Variants in CDH9 observed in about 807,000 individuals in gnomAD.
The protein encoded by CDH9 is cadherin 9.
A neutral mutation model predicts 70.9 loss-of-function variants in CDH9; 28 were observed. That is an observed-to-expected ratio of 0.40 (90% confidence interval 0.29 to 0.54). The LOEUF is 0.54. CDH9 is among the 20% of genes least tolerant of loss of function. The pLI is 0.59. For synonymous variants in CDH9, 409 were observed against 343.1 expected (o/e 1.19, Z -2.12); for missense variants, 874 against 984.4 (o/e 0.89, Z 1.50).
At chr5:26,965,998 A>C (rs1348298682) in intron 2 of CDH9, among the ~76,000 whole-genome samples, 1 of 152,182 alleles carries the variant, frequency 6.6e-6, no homozygotes, top group Non-Finnish European at 1.5e-5. Flanking sequence ...CACAATGGAA[A>C]TTTGAGGCTA....
At chr5:26,957,982 A>T (rs959060905) in intron 2 of CDH9, among the ~76,000 whole-genome samples, 3 of 152,196 alleles carry the variant, frequency 2.0e-5, no homozygotes, top group Non-Finnish European at 4.4e-5. Flanking sequence ...AATATAAAAA[A>T]ATTACAGTAA....
At chr5:26,958,581 C>T (rs147334709) in intron 2 of CDH9, among the ~76,000 whole-genome samples, 487 of 152,064 alleles carry the variant, frequency 3.2e-3, no homozygotes, top group Non-Finnish European at 5.4e-3. Flanking sequence ...ATATATTTGA[C>T]GAAAACTGGC....
chr5:26,993,021 G>A (rs141768588), intron 1 of CDH9, among the ~76,000 whole-genome samples: 4,870 of 151,782 alleles, frequency 0.032, 137 homozygotes, highest in Middle Eastern at 0.11. Context: ...ACTTGAACCC[G>A]GGAGGCGGAA....
At chr5:26,895,937 A>G (rs1320226841) in intron 7 of CDH9, among the ~76,000 whole-genome samples, 1 of 151,952 alleles carries the variant, frequency 6.6e-6, no homozygotes, top group Non-Finnish European at 1.5e-5. Flanking sequence ...TCACACTATA[A>G]TTGGATATCT....
intron 3 of CDH9, among the ~76,000 whole-genome samples, chr5:26,912,541 T>C (rs1741072232): frequency 6.6e-6 from 1 of 151,148 alleles, no homozygotes; most frequent in Non-Finnish European, 1.5e-5. Context: ...GATATGTATG[T>C]ATTAAAATGC....
intron 1 of CDH9, among the ~76,000 whole-genome samples, chr5:27,007,498 T>C (rs1430109298): frequency 6.6e-6 from 1 of 152,124 alleles, no homozygotes; most frequent in African/African-American, 2.4e-5. Flanking sequence ...AATCAATTAT[T>C]CAAGAGTTTA....
At chr5:27,015,556 T>G (rs765948) in intron 1 of CDH9, among the ~76,000 whole-genome samples, 1 of 151,726 alleles carries the variant, frequency 6.6e-6, no homozygotes, top group Non-Finnish European at 1.5e-5. Context: ...CAAAATATAT[T>G]TATCAAAGCC....
In CDH9 at chr5:26,974,384, C is replaced by A. The variant is rs986797971; in HGVS notation, c.228+13722G>T. Among the ~76,000 whole-genome samples the A allele has an allele frequency of 2.0e-5, 3 of 151,790 alleles. No homozygotes were observed. The South Asian group carries it at 6.2e-4, about 32-fold the overall frequency. Reference sequence around the variant, plus strand: ...TTTGTAGAATTCCAACAAAGCAGTTCTATAGGTTTGAAAGATATTCGCCTG... The same window carrying A: ...TTTGTAGAATTCCAACAAAGCAGTTATATAGGTTTGAAAGATATTCGCCTG... On this transcript the variant is annotated intron_variant, in intron 2 of 11. Transcript: ENST00000231021.
At chr5:27,000,077 G>C (rs1376155273) in intron 1 of CDH9, among the ~76,000 whole-genome samples, 1 of 152,060 alleles carries the variant, frequency 6.6e-6, no homozygotes, top group Non-Finnish European at 1.5e-5. Flanking sequence ...GTGTAAAACA[G>C]TGTTAAGAGA....
chr5:26,895,784 T>A (rs1191016793), intron 7 of CDH9, among the ~76,000 whole-genome samples: 1 of 151,962 alleles, frequency 6.6e-6, no homozygotes, highest in Non-Finnish European at 1.5e-5. Context: ...TCCCAATCTT[T>A]CCCTGGAAAA....
At chr5:27,033,493 C>T (rs941318348) in intron 1 of CDH9, among the ~76,000 whole-genome samples, 1 of 151,290 alleles carries the variant, frequency 6.6e-6, no homozygotes, top group African/African-American at 2.4e-5. Context: ...GACAGACAGA[C>T]AGACAGACAG....
At chr5:27,034,371 G>A (rs1743356972) in intron 1 of CDH9, among the ~76,000 whole-genome samples, 1 of 151,348 alleles carries the variant, frequency 6.6e-6, no homozygotes, top group Admixed American at 6.6e-5. Flanking sequence ...ATCAATTAGA[G>A]AGATCAAAAA....
At chr5:26,938,536 A>C (rs1438830190) in intron 2 of CDH9, among the ~76,000 whole-genome samples, 1 of 152,050 alleles carries the variant, frequency 6.6e-6, no homozygotes. Context: ...TTTGAAGCAA[A>C]AATTATTTTA....
At chr5:26,937,935 C>T (rs1303069203) in intron 2 of CDH9, among the ~76,000 whole-genome samples, 2 of 152,038 alleles carry the variant, frequency 1.3e-5, no homozygotes, top group Non-Finnish European at 2.9e-5. Flanking sequence ...ACCCATTGAA[C>T]TGCCCAACAC....
At chr5:27,001,007 C>T (rs1468287159) in intron 1 of CDH9, among the ~76,000 whole-genome samples, 1 of 152,060 alleles carries the variant, frequency 6.6e-6, no homozygotes, top group African/African-American at 2.4e-5. Flanking sequence ...TGGGCAGTGA[C>T]ACCATTTTGT....
intron 8 of CDH9, 74 bp downstream of exon 8, chr5:26,890,354 G>A: frequency 8.0e-7 from 1 of 1,244,376 alleles, no homozygotes; most frequent in Non-Finnish European, 1.2e-6. Context: ...TCAAGAAAAT[G>A]AGTCTAGCTG....
chr5:26,975,318 A>C (rs1742288009), intron 2 of CDH9, among the ~76,000 whole-genome samples: 1 of 152,114 alleles, frequency 6.6e-6, no homozygotes, highest in Non-Finnish European at 1.5e-5. Context: ...GAAGCATTGA[A>C]CTCTCATGTT....
At chr5:26,996,101 T>C (rs1742661222) in intron 1 of CDH9, among the ~76,000 whole-genome samples, 1 of 152,132 alleles carries the variant, frequency 6.6e-6, no homozygotes. Context: ...TCTCTATACC[T>C]ACACATATAC....
At chr5:26,939,071 T>C (rs1741614348) in intron 2 of CDH9, among the ~76,000 whole-genome samples, 1 of 151,890 alleles carries the variant, frequency 6.6e-6, no homozygotes, top group Non-Finnish European at 1.5e-5. Flanking sequence ...GTGACATAAG[T>C]AATTTAAATA....
Sources: gnomAD v4.1 joint callset for allele counts (sites outside exome capture counted in the v4.1 genomes callset) on GRCh38, gnomAD v4.1.1 for gene constraint, MANE v1.5 for transcripts, NCBI Gene and HGNC (gene_info 2026-07-23, HGNC 2026-07-21) for gene names.